INTS10: variants seen among roughly 807,000 people sequenced by gnomAD.
INTS10 encodes chromosome 8 open reading frame 35.
In INTS10, 44 loss-of-function variants were observed where a neutral mutation model predicts 94.4. The ratio of observed to expected loss-of-function variants is 0.47; its 90% confidence interval spans 0.37 to 0.60. INTS10 has a LOEUF of 0.60. Among genes scored for constraint, INTS10 ranks in the 20% least tolerant of loss-of-function variants. The probability of loss-of-function intolerance (pLI) is 0.00; values close to 1 mark genes in which losing one functional copy is unlikely to be tolerated. For synonymous variants in INTS10, 341 were observed against 320.7 expected, an observed-to-expected ratio of 1.06 and a Z score of -0.68; for missense variants, 797 against 868.7, an observed-to-expected ratio of 0.92 and a Z score of 1.04.
chr8:19,839,971 GAGA>G (rs1376367891), intron 13 of INTS10, among the ~76,000 whole-genome samples: 2 of 149,578 alleles, frequency 1.3e-5, no homozygotes, highest in African/African-American at 4.9e-5. Context: ...GTTGAGGTGG[GAGA>G]ATCACTTGAA....
At chr8:19,850,745 C>A (rs894087144) in intron 16 of INTS10, among the ~76,000 whole-genome samples, 4 of 152,136 alleles carry the variant, frequency 2.6e-5, no homozygotes, top group African/African-American at 9.7e-5. Context: ...AGGTAAAACT[C>A]CCTTCCTCTT....
chr8:19,826,494 G>C lies in INTS10; in HGVS notation c.1075G>C (p.Glu359Gln). The change falls in exon 9 of 17, where the codon GAA becomes CAA. Residue 359 changes from glutamate to glutamine, a missense_variant. Physicochemically the swap from Glu to Gln is conservative, Grantham distance 29. Transcript: ENST00000397977. ...TGTATCGAATGTGTATGGTGATGTA[G>C]AAATTGATCGTAATAAACACATCCA... is the stretch of plus-strand genomic sequence containing the variant. ...EDVSNVYGDVEIDRNKHIHKK... is the reference protein window; with the variant it reads ...EDVSNVYGDVQIDRNKHIHKK... 1 of 1,613,306 alleles carries C rather than the reference G, an allele frequency of 6.2e-7. No individual in the cohort carries two copies. The highest frequency in any genetic ancestry group is 8.5e-7 in the Non-Finnish European group (1 of 1,179,714).
Position 19,849,250 on chromosome 8 carries a change from G to C in INTS10, c.1977-2399G>C. On this transcript the variant is annotated intron_variant, in intron 16 of 16. Transcript: ENST00000397977. This position sits in a 1 kb window ranked among gnomAD's most constrained non-coding sequence, Gnocchi z 4.6. ...ACAGACTGCTGACAGGTACCAAGTG[G>C]AATCAACGCCCGCTCATAGTGTGCT... The C allele has an allele frequency of 7.8e-7, 1 of 1,280,100 alleles. No homozygotes were observed. 79.3% of individuals were successfully genotyped at this position (1,280,100 alleles called of 1,614,324 possible). A position where few individuals can be genotyped will look rare whatever the true frequency, so the allele number is the denominator to read the frequency against.
rs758674575 is a variant in INTS10, at chr8:19,824,756, A to T, written c.837-47A>T. On this transcript the variant is annotated intron_variant, in intron 7 of 16. Transcript: ENST00000397977. ...GAGCTTTTCTCTAGACTTCTTGCTGACCAGCCCAGAGTAATCAAATAAGTT... is the reference window on the plus strand; with the variant it reads ...GAGCTTTTCTCTAGACTTCTTGCTGTCCAGCCCAGAGTAATCAAATAAGTT... 2.8e-6 allele frequency: 4 copies of T among 1,405,254 alleles called. No homozygotes were observed. The Admixed American group carries it at 8.3e-5, about 29-fold the overall frequency. 87.0% of individuals were successfully genotyped at this position (1,405,254 alleles called of 1,614,324 possible).
At chr8:19,822,400 C>G in intron 4 of INTS10, 39 bp from the exon 5 acceptor site, 1 of 1,228,528 alleles carries the variant, frequency 8.1e-7, no homozygotes, top group Non-Finnish European at 1.2e-6. Flanking sequence ...ACAACTTATG[C>G]TGTAACACAT....
chr8:19,826,309 C>T (rs927588990), intron 8 of INTS10, 117 bp from the exon 9 acceptor site: 16 of 1,043,534 alleles, frequency 1.5e-5, no homozygotes, highest in East Asian at 5.3e-5. Context: ...TTTGAACTCC[C>T]GAGCTCAGGC....
rs542043368 is a variant in INTS10, at chr8:19,843,963, G to A, written c.1720-113G>A. On this transcript the variant is annotated intron_variant, in intron 14 of 16. Transcript: ENST00000397977. This position sits in a 1 kb window ranked among gnomAD's most constrained non-coding sequence, Gnocchi z 4.7. ...TTTGTTTCCTTCTTACTCTAATGAC[G>A]TTTATCACACATTTGCATATACAGC... The A allele has an allele frequency of 2.3e-4, 172 of 749,234 alleles. No homozygotes were observed. Among genetic ancestry groups the A allele is most frequent in the Non-Finnish European group, 3.5e-4 (165 of 465,654 alleles). 46.4% of individuals were successfully genotyped at this position (749,234 alleles called of 1,614,324 possible). A position where few individuals can be genotyped will look rare whatever the true frequency, so the allele number is the denominator to read the frequency against.
rs1563482145 is a variant in INTS10, at chr8:19,849,979, CAGG to C, written c.1977-1669_1977-1667del. ...GGTATTAAAAGCAGGGTTTATTAGC[CAGG>C]CCTGGTGGCATATGCCTGTAATCCC... On this transcript the variant is annotated intron_variant, in intron 16 of 16. Transcript: ENST00000397977. This position sits in a 1 kb window ranked among gnomAD's most constrained non-coding sequence, Gnocchi z 4.6. Among the ~76,000 whole-genome samples the C allele has an allele frequency of 1.3e-5, 2 of 151,776 alleles. No individual in the cohort carries two copies. The highest frequency in any genetic ancestry group is 2.9e-5 in the Non-Finnish European group (2 of 67,952).
At chr8:19,828,816 A>G (rs2067005697) in intron 9 of INTS10, among the ~76,000 whole-genome samples, 1 of 151,674 alleles carries the variant, frequency 6.6e-6, no homozygotes, top group Admixed American at 6.6e-5. Flanking sequence ...CTTGGCCTCC[A>G]AAATTGCTGG....
intron 15 of INTS10, chr8:19,845,328 A>G (rs1447815804): frequency 6.0e-6 from 1 of 167,370 alleles, no homozygotes; most frequent in Non-Finnish European, 1.3e-5. Flanking sequence ...TTCATTTCTT[A>G]TTAAGAAAAC....
rs1258035114 is a variant in INTS10, at chr8:19,818,279, A to G, written c.134A>G (p.Glu45Gly). 6.2e-7 allele frequency: 1 copy of G among 1,614,126 alleles called. No individual in the cohort carries two copies. The highest frequency in any genetic ancestry group is 8.5e-7 in the Non-Finnish European group (1 of 1,180,008). ...GGTGCCTGATGTGTGTTGCAGTATG[A>G]GATGTACACCATCGAGCGGAATGCA... Reference protein sequence around the residue: ...LYPADFNIQYEMYTIERNAER... With the variant: ...LYPADFNIQYGMYTIERNAER... The change falls in exon 2 of 17, where the codon GAG (glutamate) becomes GGG (glycine). Residue 45 changes from glutamate (E) to glycine (G), a missense_variant. By Grantham distance (98) the Glu-to-Gly change is moderately conservative. Around this residue, in one of 3 missense-constraint regions of INTS10, gnomAD observed 734 missense variants for 787.8 expected, o/e 0.93. Transcript: ENST00000397977.
At chr8:19,842,091 C>T (rs1445912213) in intron 13 of INTS10, 3 of 231,444 alleles carry the variant, frequency 1.3e-5, no homozygotes, top group African/African-American at 2.3e-5. Context: ...AAAGCTATTG[C>T]TTAAAGTTAT....
At chr8:19,833,078 T>A in intron 11 of INTS10, 91 bp from the exon 12 acceptor site, 1 of 1,123,520 alleles carries the variant, frequency 8.9e-7, no homozygotes, top group Non-Finnish European at 1.2e-6. Context: ...AGTTGCTTGC[T>A]CGTTGCTTCG....
At chr8:19,838,194 A>G (rs1472268903) in intron 13 of INTS10, among the ~76,000 whole-genome samples, 3 of 152,094 alleles carry the variant, frequency 2.0e-5, no homozygotes, top group African/African-American at 7.2e-5. Flanking sequence ...CATCTCTACT[A>G]AAAATATAAA....
intron 13 of INTS10, among the ~76,000 whole-genome samples, chr8:19,838,426 G>A (rs1250372724): frequency 6.6e-6 from 1 of 152,118 alleles, no homozygotes; most frequent in Non-Finnish European, 1.5e-5. Flanking sequence ...TGTTCCCTTA[G>A]CTATTAAGGA....
chr8:19,828,757 A>G (rs1171575365), intron 9 of INTS10, among the ~76,000 whole-genome samples: 2 of 148,552 alleles, frequency 1.3e-5, no homozygotes, highest in East Asian at 3.9e-4. Context: ...AGGTCTTTCT[A>G]TGTTGCCTAC....
intron 11 of INTS10, among the ~76,000 whole-genome samples, 171 bp from the exon 12 acceptor site, chr8:19,832,998 G>A (rs2067355397): frequency 6.6e-6 from 1 of 152,162 alleles, no homozygotes; most frequent in East Asian, 1.9e-4. Flanking sequence ...CTTTAATTAA[G>A]TTGATTTGAT....
At chr8:19,823,027 C>T (rs1444170679) in intron 5 of INTS10, among the ~76,000 whole-genome samples, 3 of 151,990 alleles carry the variant, frequency 2.0e-5, no homozygotes, top group Non-Finnish European at 4.4e-5. Context: ...ATATGCATAG[C>T]TGTATATGTA....
In INTS10 at chr8:19,843,328, A is replaced by G. The variant is rs955295100; in HGVS notation, c.1719+401A>G. ...TTAAGCATGTTAGGTGTTGAGATCAACACCAGTAACAGCCCAACAGTTGGG... is the reference window on the plus strand; with the variant it reads ...TTAAGCATGTTAGGTGTTGAGATCAGCACCAGTAACAGCCCAACAGTTGGG... On this transcript the variant is annotated intron_variant, in intron 14 of 16. Transcript: ENST00000397977. The surrounding 1 kb of genome is among the most constrained non-coding windows in gnomAD (Gnocchi z 4.7). 6.6e-6 allele frequency among the ~76,000 whole-genome samples: 1 copy of G among 152,210 alleles called. No individual in the cohort carries two copies. The highest frequency in any genetic ancestry group is 2.4e-5 in the African/African-American group (1 of 41,452).
Sources: allele counts gnomAD v4.1 joint callset (sites outside exome capture counted in the v4.1 genomes callset), GRCh38; gene constraint gnomAD v4.1.1; regional missense constraint gnomAD v4.1.1; non-coding constraint Gnocchi (gnomAD v3.1); transcripts MANE v1.5; gene names NCBI Gene and HGNC (gene_info 2026-07-23, HGNC 2026-07-21).